The following MDN1 variants were observed in gnomAD, a reference collection of about 807,000 sequenced individuals.
MDN1 encodes the protein midasin.
In MDN1, 266 loss-of-function variants were observed where a neutral mutation model predicts 669.2. The observed-to-expected ratio is 0.40, with a 90% confidence interval of 0.36 to 0.44. The LOEUF (loss-of-function observed/expected upper bound fraction) is 0.44. Ranked by LOEUF, MDN1 falls within the 20% of genes least tolerant of loss-of-function variation. The probability of loss-of-function intolerance (pLI) is 1.00; values close to 1 mark genes in which losing one functional copy is unlikely to be tolerated. For synonymous variants in MDN1, 2,385 were observed against 2,457.1 expected (o/e 0.97, Z 0.87); for missense variants, 5,940 against 6,754.0 (o/e 0.88, Z 4.22).
In MDN1 at chr6:89,686,993, C is replaced by A; in HGVS notation, c.11481G>T (p.Met3827Ile). 6.3e-7 allele frequency: 1 copy of A among 1,596,302 alleles called. No homozygotes were observed. Residue 3827 changes from methionine to isoleucine, a missense_variant, in exon 69 of 102, where the codon ATG becomes ATT. By Grantham distance (10) the Met-to-Ile change is conservative. This residue lies in a region of MDN1 where 2,280 missense variants were observed against 2,576.3 expected (regional missense o/e 0.88). Transcript: ENST00000369393. ...TGGTGGATTTCTCGGTGTGGCGCTTCATAGTATTATCCAAACTCATGGACC... is the reference window on the plus strand; with the variant it reads ...TGGTGGATTTCTCGGTGTGGCGCTTAATAGTATTATCCAAACTCATGGACC... ...NCWSMSLDNT[M>I]KRHTEKSTKH...
intron 1 of MDN1, among the ~76,000 whole-genome samples, chr6:89,817,068 C>A (rs1399481598): frequency 6.6e-6 from 1 of 152,162 alleles, no homozygotes; most frequent in East Asian, 1.9e-4. Context: ...ATCTTTGAAT[C>A]CACCTGTGAC....
rs759754512 is a variant in MDN1, at chr6:89,661,538, T to C, written c.14606A>G (p.Asn4869Ser). ...DENEVDPYHG[N>S]QEKVPEPEAL... ...CTCGGGTTCTGGCACCTTTTCCTGATTGCCATGGTAAGGGTCCACCTCATT... is the reference window on the plus strand; with the variant it reads ...CTCGGGTTCTGGCACCTTTTCCTGACTGCCATGGTAAGGGTCCACCTCATT... Residue 4869 changes from asparagine (N) to serine (S), a missense_variant, in exon 88 of 102, where the codon AAT becomes AGT. Coordinates refer to ENST00000369393, the MANE Select transcript of MDN1 (RefSeq NM_014611.3). 8 of 1,614,080 alleles carry C rather than the reference T, an allele frequency of 5.0e-6. No homozygotes were observed. The highest frequency in any genetic ancestry group is 1.3e-5 in the African/African-American group (1 of 74,926).
chr6:89,747,226 G>A, intron 27 of MDN1, 103 bp downstream of exon 27: 1 of 1,334,750 alleles, frequency 7.5e-7, no homozygotes, highest in Non-Finnish European at 1.0e-6. Flanking sequence ...GGAATACCTA[G>A]TCAAATGTAT....
At chr6:89,656,639 T>A in intron 91 of MDN1, 61 bp downstream of exon 91, 2 of 1,216,836 alleles carry the variant, frequency 1.6e-6, no homozygotes, top group Non-Finnish European at 2.3e-6. Context: ...AAGCACTACG[T>A]TTGGAACATC....
intron 84 of MDN1, 116 bp from the exon 85 acceptor site, chr6:89,664,744 AAG>A: frequency 1.3e-6 from 1 of 778,578 alleles, no homozygotes; most frequent in Non-Finnish European, 1.9e-6. Flanking sequence ...AGGAAAAAAA[AAG>A]AGAAACAACA....
chr6:89,675,767 T>C (rs1704096501), intron 77 of MDN1, 188 bp from the exon 78 acceptor site: 9 of 579,358 alleles, frequency 1.6e-5, no homozygotes, highest in East Asian at 1.4e-4. Flanking sequence ...AGACAGGAAC[T>C]GGATTTAACT....
intron 61 of MDN1, among the ~76,000 whole-genome samples, chr6:89,694,960 A>G (rs902192026): frequency 2.0e-5 from 3 of 152,172 alleles, no homozygotes; most frequent in Admixed American, 6.5e-5. Flanking sequence ...CAGGCTGGCC[A>G]TGGTAGTTCA....
intron 34 of MDN1, among the ~76,000 whole-genome samples, chr6:89,732,074 A>G (rs1815639526): frequency 2.6e-5 from 4 of 152,182 alleles, no homozygotes; most frequent in Admixed American, 2.0e-4. Context: ...TACAAAAACA[A>G]AACTTGCATC....
chr6:89,687,471 A>G (rs2128307496), intron 67 of MDN1, 33 bp from the exon 68 acceptor site: 1 of 1,574,882 alleles, frequency 6.3e-7, no homozygotes, highest in East Asian at 2.2e-5. Context: ...TACTACAGAT[A>G]TTATTCAATG....
chr6:89,778,398 CAA>C (rs1818459683), intron 11 of MDN1, among the ~76,000 whole-genome samples: 1 of 151,866 alleles, frequency 6.6e-6, no homozygotes, highest in Admixed American at 6.6e-5. Context: ...CAAAAAGACC[CAA>C]ATAATGGCAC....
intron 59 of MDN1, among the ~76,000 whole-genome samples, chr6:89,698,495 C>T (rs538768143): frequency 6.6e-5 from 10 of 152,048 alleles, no homozygotes; most frequent in Non-Finnish European, 1.3e-4. Context: ...TTCTTGTTTA[C>T]GTATGTATTT....
At chr6:89,786,567 A>G (rs1351412816) in intron 8 of MDN1, among the ~76,000 whole-genome samples, 1 of 152,144 alleles carries the variant, frequency 6.6e-6, no homozygotes, top group African/African-American at 2.4e-5. Context: ...CGATCAAGCC[A>G]CTGCATTCCA....
chr6:89,714,681 A>G lies in MDN1; in HGVS notation c.6931T>C (p.Tyr2311His). ...CTTGCATCCCCTTCCCCTGAAATGT[A>G]GATTTCAAGTCCACGATTCCTCATA... ...RAMRNRGLEI[Y>H]ISGEGDASTP... The change falls in exon 46 of 102, where the codon TAC becomes CAC. Residue 2311 changes from tyrosine to histidine, a missense_variant. Around this residue, in one of 5 missense-constraint regions of MDN1, gnomAD observed 2,292 missense variants for 2,638.3 expected, o/e 0.87. Coordinates refer to ENST00000369393, the MANE Select transcript of MDN1 (RefSeq NM_014611.3). 1 of 1,614,218 alleles carries G rather than the reference A, an allele frequency of 6.2e-7. No individual in the cohort carries two copies. The highest frequency in any genetic ancestry group is 2.2e-5 in the East Asian group (1 of 44,884).
chr6:89,697,909 A>G (rs1969687), intron 59 of MDN1, among the ~76,000 whole-genome samples: 127,886 of 152,138 alleles, frequency 0.84, 53,953 homozygotes, highest in East Asian at 1. Context: ...AAAAAAGCAC[A>G]ACTATGACTC....
chr6:89,733,389 T>C (rs1339167088), intron 33 of MDN1, among the ~76,000 whole-genome samples: 1 of 152,024 alleles, frequency 6.6e-6, no homozygotes, highest in Non-Finnish European at 1.5e-5. Flanking sequence ...GTAGTATATA[T>C]AGATTCAAAG....
At chr6:89,754,034 T>C in intron 21 of MDN1, 49 bp downstream of exon 21, 2 of 1,582,788 alleles carry the variant, frequency 1.3e-6, no homozygotes, top group Non-Finnish European at 1.7e-6. Context: ...TTCCTTCCCA[T>C]GAACCCATCC....
At chr6:89,714,842 T>C in intron 45 of MDN1, 91 bp from the exon 46 acceptor site, 1 of 1,010,506 alleles carries the variant, frequency 9.9e-7, no homozygotes, top group Non-Finnish European at 1.4e-6. Context: ...GGGCAAATCC[T>C]ATGTGGCTCA....
intron 53 of MDN1, among the ~76,000 whole-genome samples, chr6:89,704,357 G>A (rs1813383673): frequency 6.6e-6 from 1 of 152,194 alleles, no homozygotes; most frequent in African/African-American, 2.4e-5. Flanking sequence ...ATTCCAGCAT[G>A]GGCGACAGAG....
chr6:89,713,971 G>A (rs983159679), intron 46 of MDN1, among the ~76,000 whole-genome samples: 3 of 151,526 alleles, frequency 2.0e-5, no homozygotes, highest in Admixed American at 1.3e-4. Flanking sequence ...CCTGGGAGGC[G>A]GAGCTTGCAG....
Sources: allele counts gnomAD v4.1 joint callset (sites outside exome capture counted in the v4.1 genomes callset), GRCh38; gene constraint gnomAD v4.1.1; regional missense constraint gnomAD v4.1.1; transcripts MANE v1.5; gene names NCBI Gene and HGNC (gene_info 2026-07-23, HGNC 2026-07-21).